CNTN3: variants seen among roughly 807,000 people sequenced by gnomAD.
The protein encoded by CNTN3 is contactin 3, also known as contactin-3.
In CNTN3, 60 loss-of-function variants were observed where a neutral mutation model predicts 119.1. The observed-to-expected ratio is 0.50, with a 90% CI of 0.41 to 0.62. CNTN3 has a LOEUF of 0.62. CNTN3 is among the 20% of genes least tolerant of loss of function. The pLI, the probability that CNTN3 is intolerant of heterozygous loss-of-function variation, is 0.00. For synonymous variants in CNTN3, 450 were observed against 438.7 expected (o/e 1.03, Z -0.32); for missense variants, 1,101 against 1,242.4 (o/e 0.89, Z 1.71).
chr3:74,325,562 C>G (rs1703108318), intron 13 of CNTN3, among the ~76,000 whole-genome samples: 1 of 152,066 alleles, frequency 6.6e-6, no homozygotes, highest in Admixed American at 6.6e-5. Flanking sequence ...GGAAGCAGGA[C>G]CCCTTTACTA....
At chr3:74,567,136 G>T (rs1036480710) in intron 1 of CNTN3, among the ~76,000 whole-genome samples, 1 of 151,598 alleles carries the variant, frequency 6.6e-6, no homozygotes, top group Non-Finnish European at 1.5e-5. Flanking sequence ...GCACAATGTG[G>T]CTTCTTCTTT....
chr3:74,549,580 T>A (rs1050891880), intron 1 of CNTN3, among the ~76,000 whole-genome samples: 1 of 152,084 alleles, frequency 6.6e-6, no homozygotes, highest in Non-Finnish European at 1.5e-5. Context: ...TTCGGTGATC[T>A]GGGGCTTGTT....
chr3:74,283,846 C>G (rs1452248470), intron 20 of CNTN3, among the ~76,000 whole-genome samples: 1 of 152,088 alleles, frequency 6.6e-6, no homozygotes, highest in Non-Finnish European at 1.5e-5. Context: ...CCCATGTGCT[C>G]TTTGGTCTAA....
intron 5 of CNTN3, among the ~76,000 whole-genome samples, chr3:74,404,879 T>C (rs1432167194): frequency 1.3e-5 from 2 of 152,030 alleles, no homozygotes; most frequent in South Asian, 2.1e-4. Flanking sequence ...GCACCAGTGG[T>C]AGGGACAGGT....
At chr3:74,396,930 T>C (rs1575686408) in intron 5 of CNTN3, among the ~76,000 whole-genome samples, 2 of 152,220 alleles carry the variant, frequency 1.3e-5, no homozygotes, top group South Asian at 2.1e-4. Context: ...GCGAAGATCA[T>C]TGATGAAGAT....
chr3:74,550,763 A>C (rs1375426538), intron 1 of CNTN3, among the ~76,000 whole-genome samples: 2 of 152,150 alleles, frequency 1.3e-5, no homozygotes, highest in Non-Finnish European at 2.9e-5. Flanking sequence ...GCTGGTCTTT[A>C]ACTCCTAGGC....
At chr3:74,413,136 G>T (rs1201517966) in intron 5 of CNTN3, among the ~76,000 whole-genome samples, 1 of 152,166 alleles carries the variant, frequency 6.6e-6, no homozygotes, top group African/African-American at 2.4e-5. Flanking sequence ...TGAACAGCTT[G>T]CATAGTTCAG....
intron 16 of CNTN3, among the ~76,000 whole-genome samples, chr3:74,300,749 ATAT>A (rs1189556375): frequency 5.9e-5 from 9 of 152,314 alleles, no homozygotes; most frequent in African/African-American, 2.2e-4. Context: ...ATTTTAGTTA[ATAT>A]TAAATAATAT....
At chr3:74,590,538 T>A (rs1461803732) in intron 1 of CNTN3, among the ~76,000 whole-genome samples, 1 of 151,930 alleles carries the variant, frequency 6.6e-6, no homozygotes, top group African/African-American at 2.4e-5. Flanking sequence ...GGAGCTCCTA[T>A]CACTTTGGAA....
chr3:74,264,983 A>T (rs1321320761), intron 22 of CNTN3, among the ~76,000 whole-genome samples: 1 of 152,158 alleles, frequency 6.6e-6, no homozygotes, highest in African/African-American at 2.4e-5. Context: ...ACTATTATTT[A>T]ACTTTAATTG....
intron 1 of CNTN3, among the ~76,000 whole-genome samples, chr3:74,529,769 A>G (rs1342064011): frequency 6.6e-6 from 1 of 152,050 alleles, no homozygotes; most frequent in Non-Finnish European, 1.5e-5. Context: ...AAATGAAATG[A>G]AAAGTCCTAA....
chr3:74,274,910 C>A (rs1269294815), intron 20 of CNTN3, among the ~76,000 whole-genome samples: 1 of 151,888 alleles, frequency 6.6e-6, no homozygotes, highest in Non-Finnish European at 1.5e-5. Flanking sequence ...AAAAATGAAA[C>A]AAGAAGTGAA....
chr3:74,276,892 T>A (rs1575692153), intron 20 of CNTN3, among the ~76,000 whole-genome samples: 1 of 152,112 alleles, frequency 6.6e-6, no homozygotes, highest in East Asian at 1.9e-4. Context: ...TTGGCAAGAT[T>A]AACAAAGAAG....
chr3:74,319,635 A>G (rs202116002), intron 13 of CNTN3, among the ~76,000 whole-genome samples: 24,169 of 150,600 alleles, frequency 0.16, 2,876 homozygotes, highest in East Asian at 0.53. Flanking sequence ...AACACCAAAA[A>G]CAATGGCAAC....
chr3:74,553,685 C>A (rs963618986), intron 1 of CNTN3, among the ~76,000 whole-genome samples: 1 of 151,530 alleles, frequency 6.6e-6, no homozygotes, highest in African/African-American at 2.4e-5. Context: ...TCCATTTTTT[C>A]ATATGTCTCT....
intron 4 of CNTN3, among the ~76,000 whole-genome samples, chr3:74,480,055 T>C (rs1238855007): frequency 6.6e-6 from 1 of 152,132 alleles, no homozygotes; most frequent in Non-Finnish European, 1.5e-5. Context: ...TACAAAGTCA[T>C]AGTGATGTAA....
intron 13 of CNTN3, among the ~76,000 whole-genome samples, chr3:74,307,276 T>C (rs1392776028): frequency 6.6e-6 from 1 of 152,210 alleles, no homozygotes; most frequent in East Asian, 1.9e-4. Flanking sequence ...AGTTCATATT[T>C]ACATCTTAAT....
At chr3:74,388,904 A>G (rs550632375) in intron 5 of CNTN3, among the ~76,000 whole-genome samples, 2 of 152,200 alleles carry the variant, frequency 1.3e-5, no homozygotes, top group East Asian at 3.9e-4. Flanking sequence ...TAGTTACCAC[A>G]TTTTCATTTG....
At chr3:74,573,637 T>G (rs1317542846) in intron 1 of CNTN3, among the ~76,000 whole-genome samples, 1 of 152,074 alleles carries the variant, frequency 6.6e-6, no homozygotes, top group South Asian at 2.1e-4. Context: ...GGAAAAGGAT[T>G]TGAATAGACA....
Sources: gnomAD v4.1 joint callset for allele counts (sites outside exome capture counted in the v4.1 genomes callset) on GRCh38, gnomAD v4.1.1 for gene constraint, MANE v1.5 for transcripts, NCBI Gene and HGNC (gene_info 2026-07-23, HGNC 2026-07-21) for gene names.